STK3: variants seen among roughly 807,000 people sequenced by gnomAD.
STK3 encodes serine/threonine kinase 3.
A neutral mutation model predicts 58.0 loss-of-function variants in STK3; 41 were observed. The observed-to-expected ratio is 0.71, with a 90% confidence interval of 0.55 to 0.92. STK3 has a LOEUF of 0.92. STK3 is among the 40% of genes least tolerant of loss of function. The pLI, the probability that STK3 is intolerant of heterozygous loss-of-function variation, is 0.00. For synonymous variants in STK3, 170 were observed against 191.0 expected, an observed-to-expected ratio of 0.89 and a Z score of 0.91; for missense variants, 479 against 602.7, an observed-to-expected ratio of 0.79 and a Z score of 2.15.
intron 1 of STK3, among the ~76,000 whole-genome samples, chr8:98,891,626 TGA>T (rs56830700): frequency 0.024 from 3,603 of 148,124 alleles, 60 homozygotes; most frequent in Middle Eastern, 0.077. Flanking sequence ...TGTGTGTGTG[TGA>T]GAGAGAGAGA....
At chr8:98,618,124 T>G (rs916661397) in intron 6 of STK3, among the ~76,000 whole-genome samples, 1 of 151,850 alleles carries the variant, frequency 6.6e-6, no homozygotes, top group Non-Finnish European at 1.5e-5. Flanking sequence ...CATGATCAAG[T>G]GGGCTTCATC....
intron 6 of STK3, among the ~76,000 whole-genome samples, chr8:98,624,155 T>C (rs531517594): frequency 7.2e-5 from 11 of 152,296 alleles, no homozygotes; most frequent in Admixed American, 3.9e-4. Context: ...TGTGAAAGGA[T>C]TGCCAACTGT....
intron 3 of STK3, among the ~76,000 whole-genome samples, chr8:98,424,232 C>T (rs1310830600): frequency 6.6e-6 from 1 of 152,258 alleles, no homozygotes; most frequent in East Asian, 1.9e-4. Context: ...ATGTGCCCCA[C>T]ATTGGGCTTC....
intron 6 of STK3, among the ~76,000 whole-genome samples, chr8:98,620,118 A>G (rs1477075356): frequency 5.1e-5 from 3 of 58,802 alleles, no homozygotes; most frequent in African/African-American, 2.0e-4. Flanking sequence ...CATATACACC[A>G]TGGAATACTA....
At chr8:98,584,598 C>A (rs1382764991) in intron 7 of STK3, among the ~76,000 whole-genome samples, 31 of 149,112 alleles carry the variant, frequency 2.1e-4, no homozygotes, top group African/African-American at 3.4e-4. Flanking sequence ...ATTTATAGTC[C>A]TTTGGGTATA....
chr8:98,805,794 G>A (rs537251383), intron 1 of STK3, among the ~76,000 whole-genome samples: 5 of 151,674 alleles, frequency 3.3e-5, no homozygotes, highest in South Asian at 2.1e-4. Context: ...AGATAATACA[G>A]GCCCTACCTC....
chr8:98,657,380 C>A (rs1157092739), intron 6 of STK3, among the ~76,000 whole-genome samples: 1 of 152,034 alleles, frequency 6.6e-6, no homozygotes, highest in Non-Finnish European at 1.5e-5. Flanking sequence ...AGTAGTAGAA[C>A]CAAGCTGTCC....
chr8:98,425,587 C>T (rs1818223164), intron 3 of STK3, among the ~76,000 whole-genome samples: 1 of 152,130 alleles, frequency 6.6e-6, no homozygotes, highest in South Asian at 2.1e-4. Flanking sequence ...GGTGTGAAGC[C>T]CTCTCAGCAG....
chr8:98,417,404 C>T (rs1386012112), intron 3 of STK3, among the ~76,000 whole-genome samples: 1 of 152,094 alleles, frequency 6.6e-6, no homozygotes, highest in Non-Finnish European at 1.5e-5. Context: ...ATCCCAGGTA[C>T]TCAGGAGGCT....
At chr8:98,774,659 T>C (rs1016872651) in intron 2 of STK3, 80 bp downstream of exon 2, 7 of 966,366 alleles carry the variant, frequency 7.2e-6, no homozygotes, top group South Asian at 3.5e-5. Context: ...GAATATACTC[T>C]AGTTGAAAGA....
At chr8:98,658,652 C>A (rs1257997418) in intron 6 of STK3, among the ~76,000 whole-genome samples, 2 of 151,956 alleles carry the variant, frequency 1.3e-5, no homozygotes, top group African/African-American at 4.8e-5. Context: ...CTTTCAATCA[C>A]CCCCTATTGA....
At chr8:98,614,686 G>T (rs1410814458) in intron 6 of STK3, among the ~76,000 whole-genome samples, 1 of 152,228 alleles carries the variant, frequency 6.6e-6, no homozygotes, top group Non-Finnish European at 1.5e-5. Context: ...CCGAGTCAAA[G>T]AAAGGGGTGA....
chr8:98,812,974 A>T (rs1834318237), intron 1 of STK3, among the ~76,000 whole-genome samples: 2 of 151,964 alleles, frequency 1.3e-5, no homozygotes, highest in Middle Eastern at 3.4e-3. Context: ...AACATGGCAC[A>T]TGTATACATA....
At chr8:98,777,735 G>A (rs553358900) in intron 1 of STK3, among the ~76,000 whole-genome samples, 34 of 152,258 alleles carry the variant, frequency 2.2e-4, no homozygotes, top group African/African-American at 8.2e-4. Flanking sequence ...TGAGGCAGAC[G>A]ATTCTCGAGG....
chr8:98,687,294 A>G (rs972312577), intron 6 of STK3, among the ~76,000 whole-genome samples: 37 of 152,232 alleles, frequency 2.4e-4, no homozygotes, highest in Non-Finnish European at 1.2e-4. Flanking sequence ...TTTAGGGATG[A>G]AACTGTTCCA....
chr8:98,503,568 T>C (rs1035908389), intron 10 of STK3, among the ~76,000 whole-genome samples: 2 of 152,248 alleles, frequency 1.3e-5, no homozygotes, highest in South Asian at 4.1e-4. Flanking sequence ...TACAAACTGC[T>C]TTAAATGTGC....
At chr8:98,720,823 C>T (rs1453668193) in intron 4 of STK3, among the ~76,000 whole-genome samples, 2 of 150,720 alleles carry the variant, frequency 1.3e-5, no homozygotes, top group Non-Finnish European at 2.9e-5. Context: ...AAATATCTGA[C>T]AGTCATTAAA....
chr8:98,397,266 T>C (rs547499066), downstream of STK3, among the ~76,000 whole-genome samples: 29 of 152,232 alleles, frequency 1.9e-4, no homozygotes, highest in Non-Finnish European at 3.7e-4. Context: ...TGGTGGCTCA[T>C]GCGTGTAATC....
intron 3 of STK3, among the ~76,000 whole-genome samples, chr8:98,855,015 C>A (rs910798835): frequency 1.3e-5 from 2 of 152,136 alleles, no homozygotes; most frequent in Non-Finnish European, 2.9e-5. Flanking sequence ...TGAGATTACG[C>A]CACTGCATTC....
Sources: gnomAD v4.1 joint callset for allele counts (sites outside exome capture counted in the v4.1 genomes callset) on GRCh38, gnomAD v4.1.1 for gene constraint, MANE v1.5 for transcripts, NCBI Gene and HGNC (gene_info 2026-07-23, HGNC 2026-07-21) for gene names.